Variants in GPR139 observed in about 807,000 individuals in gnomAD.
GPR139 encodes the protein probable G protein-coupled receptor 139.
GPR139 carries 12 observed loss-of-function variants against 25.8 expected under a neutral mutation model. The ratio of observed to expected loss-of-function variants is 0.47; its 90% confidence interval spans 0.30 to 0.75. The LOEUF is 0.75. Among genes scored for constraint, GPR139 ranks in the 30% least tolerant of loss-of-function variants. GPR139 has a pLI of 0.07. For missense variants in GPR139, 380 were observed against 450.2 expected (o/e 0.84, Z 1.41); for synonymous variants, 184 against 179.9 (o/e 1.02, Z -0.18).
rs1171249091 is a variant in GPR139 at position 20,029,883 on chromosome 16, A to G, written c.*1852T>C. Among the ~76,000 whole-genome samples the G allele has an allele frequency of 1.3e-5, 2 of 152,198 alleles. No homozygotes were observed. Among genetic ancestry groups the G allele is most frequent in the African/African-American group, 2.4e-5 (1 of 41,464 alleles). On this transcript the variant is annotated 3_prime_UTR_variant, in exon 2 of 2. Transcript: ENST00000570682. The stretch of plus-strand genomic sequence containing the variant: ...ACAGCAACTTGTTCCAATGCTAGAG[A>G]AAAACTTAGCTGTGTTAGGTTTTGA...
rs1305036161 is a variant in GPR139 at position 20,028,451 on chromosome 16, CAA to C, written c.*3282_*3283del. On this transcript the variant is annotated 3_prime_UTR_variant, in exon 2 of 2. Transcript: ENST00000570682. ...ATTATAATACAAACAAGTCCAAACA[CAA>C]TATATAATCTAATTAAGAAAATATG... Among the ~76,000 whole-genome samples, 10 of 152,070 alleles carry C rather than the reference CAA, an allele frequency of 6.6e-5. No individual in the cohort carries two copies. Among genetic ancestry groups the C allele is most frequent in the South Asian group, 2.1e-4 (1 of 4,816 alleles).
At position 20,032,486 on chromosome 16, in the gene GPR139, A is replaced by G. The variant is rs781252777; in HGVS notation, c.311T>C (p.Ile104Thr). 6.8e-6 allele frequency: 11 copies of G among 1,614,074 alleles called. No individual in the cohort carries two copies. Among genetic ancestry groups the G allele is most frequent in the African/African-American group, 2.7e-5 (2 of 74,924 alleles). ...GATGGATGAGAATTCCAGCACTTCT[A>G]TGATCTTGTCGGGGACCTGAGGCAT... ...MQMPQVPDKI[I>T]EVLEFSSIHT... The change falls in exon 2 of 2, where the codon ATA (isoleucine) becomes ACA (threonine). Residue 104 changes from isoleucine (I) to threonine (T), a missense_variant. Coordinates refer to ENST00000570682, the MANE Select transcript of GPR139 (RefSeq NM_001002911.4).
chr16:20,051,672 T>C, intron 1 of GPR139, among the ~76,000 whole-genome samples: 1 of 152,218 alleles, frequency 6.6e-6, no homozygotes, highest in Admixed American at 6.5e-5. Context: ...AATGGTTTTA[T>C]GTTTGGGAAC....
chr16:20,063,594 A>G (rs2057421535), intron 1 of GPR139, among the ~76,000 whole-genome samples: 1 of 152,266 alleles, frequency 6.6e-6, no homozygotes, highest in Non-Finnish European at 1.5e-5. Context: ...TGATGGAATC[A>G]GAAGGACTAA....
chr16:20,065,592 C>T (rs72772776), intron 1 of GPR139, among the ~76,000 whole-genome samples: 5,831 of 152,156 alleles, frequency 0.038, 141 homozygotes, highest in Non-Finnish European at 0.056. Flanking sequence ...TTAAATGAGG[C>T]CAGGCGCATT....
intron 1 of GPR139, among the ~76,000 whole-genome samples, chr16:20,059,448 T>C (rs2057402950): frequency 6.6e-6 from 1 of 152,148 alleles, no homozygotes. Context: ...ACCCTGGCTG[T>C]TCCCTCTACG....
intron 1 of GPR139, among the ~76,000 whole-genome samples, chr16:20,037,686 T>C (rs2057314846): frequency 6.6e-6 from 1 of 152,080 alleles, no homozygotes; most frequent in Admixed American, 6.6e-5. Flanking sequence ...ACAGAACAAG[T>C]AAGGGAGCCA....
intron 1 of GPR139, among the ~76,000 whole-genome samples, chr16:20,050,816 C>A (rs1269664984): frequency 6.6e-6 from 1 of 152,102 alleles, no homozygotes; most frequent in East Asian, 1.9e-4. Flanking sequence ...AATCCCAGCA[C>A]TTTGGGAGGC....
intron 1 of GPR139, among the ~76,000 whole-genome samples, chr16:20,053,913 C>T (rs2057380722): frequency 6.6e-6 from 1 of 151,942 alleles, no homozygotes; most frequent in South Asian, 2.1e-4. Flanking sequence ...TTATCAATTA[C>T]ACAACCAGGT....
chr16:20,051,248 C>T (rs1014573078), intron 1 of GPR139, among the ~76,000 whole-genome samples: 8 of 152,122 alleles, frequency 5.3e-5, no homozygotes, highest in Admixed American at 1.3e-4. Flanking sequence ...TAAAATTTTA[C>T]AAGAGACAGC....
chr16:20,038,173 T>C (rs1479829248), intron 1 of GPR139, among the ~76,000 whole-genome samples: 2 of 152,036 alleles, frequency 1.3e-5, no homozygotes, highest in Non-Finnish European at 2.9e-5. Flanking sequence ...CAACCTCTTT[T>C]TCCCCCCCAT....
Position 20,031,943 on chromosome 16 carries a change from T to A in GPR139, c.854A>T (p.Tyr285Phe). 1 of 1,614,082 alleles carries A rather than the reference T, an allele frequency of 6.2e-7. No homozygotes were observed. Among genetic ancestry groups the A allele is most frequent in the Non-Finnish European group, 8.5e-7 (1 of 1,180,004 alleles). Residue 285 changes from tyrosine (Y) to phenylalanine (F), a missense_variant, in exon 2 of 2, where the codon TAC becomes TTC. Tyr to Phe is a conservative substitution (Grantham distance 22). Transcript: ENST00000570682. ...LLNTAINFFLYCFISKRFRTM... is the reference protein window; with the variant it reads ...LLNTAINFFLFCFISKRFRTM... ...GCGGAACCGCTTGCTGATGAAGCAGTAGAGGAAGAAGTTGATGGCTGTGTT... is the reference window on the plus strand; with the variant it reads ...GCGGAACCGCTTGCTGATGAAGCAGAAGAGGAAGAAGTTGATGGCTGTGTT...
chr16:20,063,242 T>C (rs1567240293), intron 1 of GPR139, among the ~76,000 whole-genome samples: 3 of 152,208 alleles, frequency 2.0e-5, no homozygotes, highest in Non-Finnish European at 4.4e-5. Context: ...GAGGTAGTCT[T>C]AAATAGAAAT....
intron 1 of GPR139, among the ~76,000 whole-genome samples, chr16:20,045,758 C>T (rs1474129809): frequency 6.6e-6 from 1 of 152,184 alleles, no homozygotes; most frequent in Non-Finnish European, 1.5e-5. Flanking sequence ...CAACTGAGCT[C>T]CTGCCCATTG....
intron 1 of GPR139, among the ~76,000 whole-genome samples, chr16:20,062,476 C>T (rs1210679795): frequency 1.3e-5 from 2 of 152,166 alleles, no homozygotes; most frequent in Non-Finnish European, 2.9e-5. Flanking sequence ...TTTATAAAGC[C>T]ACTAATTTAT....
intron 1 of GPR139, among the ~76,000 whole-genome samples, chr16:20,072,377 A>G (rs1364548398): frequency 6.6e-6 from 1 of 152,166 alleles, no homozygotes; most frequent in African/African-American, 2.4e-5. Context: ...CCAGCTCCCA[A>G]GTTCCCAGGA....
chr16:20,032,010 C>A lies in GPR139; in HGVS notation c.787G>T (p.Val263Leu). The change falls in exon 2 of 2, where the codon GTA becomes TTA. Residue 263 changes from valine to leucine, a missense_variant. Physicochemically the swap from Val to Leu is conservative, Grantham distance 32. Coordinates refer to ENST00000570682, the MANE Select transcript of GPR139 (RefSeq NM_001002911.4). ...YGAPIQNRWL[V>L]HIMSDIANML... Reference sequence around the variant, plus strand: ...TTGGCAATGTCGGACATGATGTGTACCAGCCAGCGGTTCTGGATGGGCGCC... The same window carrying A: ...TTGGCAATGTCGGACATGATGTGTAACAGCCAGCGGTTCTGGATGGGCGCC... 6.2e-7 allele frequency: 1 copy of A among 1,614,114 alleles called. No individual in the cohort carries two copies. The highest frequency in any genetic ancestry group is 8.5e-7 in the Non-Finnish European group (1 of 1,180,018).
intron 1 of GPR139, among the ~76,000 whole-genome samples, chr16:20,037,662 G>T (rs191843544): frequency 6.6e-6 from 1 of 152,186 alleles, no homozygotes; most frequent in African/African-American, 2.4e-5. Context: ...TAGATAATTT[G>T]CTCAAAGTCA....
intron 1 of GPR139, among the ~76,000 whole-genome samples, chr16:20,065,017 C>T (rs1185435185): frequency 1.3e-5 from 2 of 152,138 alleles, no homozygotes; most frequent in African/African-American, 2.4e-5. Context: ...GTGTCTCCAT[C>T]CCTGTTTTTC....
Sources: gnomAD v4.1 joint callset for allele counts (sites outside exome capture counted in the v4.1 genomes callset) on GRCh38, gnomAD v4.1.1 for gene constraint, MANE v1.5 for transcripts, NCBI Gene and HGNC (gene_info 2026-07-23, HGNC 2026-07-21) for gene names.